Variants in TRIM2 observed in about 807,000 individuals in gnomAD.
The protein encoded by TRIM2 is tripartite motif containing 2, also known as tripartite motif-containing protein 2.
A neutral mutation model predicts 75.2 loss-of-function variants in TRIM2; 20 were observed. That is an observed-to-expected ratio of 0.27 (90% CI 0.19 to 0.39). The LOEUF (loss-of-function observed/expected upper bound fraction) is 0.39, where lower values mean the gene tolerates loss of function less well. TRIM2 is among the 10% of genes least tolerant of loss of function. TRIM2 has a pLI of 1.00. For missense variants in TRIM2, 660 were observed against 990.8 expected (o/e 0.67, Z 4.48); for synonymous variants, 373 against 388.3 (o/e 0.96, Z 0.46).
chr4:153,223,353 A>T (rs1741224824), intron 1 of TRIM2, among the ~76,000 whole-genome samples: 1 of 152,226 alleles, frequency 6.6e-6, no homozygotes, highest in Non-Finnish European at 1.5e-5. Context: ...AGAGAAAAAA[A>T]GATACTGAGC....
intron 1 of TRIM2, among the ~76,000 whole-genome samples, chr4:153,243,806 C>T (rs1486971260): frequency 1.7e-5 from 2 of 120,684 alleles, no homozygotes; most frequent in African/African-American, 7.2e-5. Flanking sequence ...TCCTCCCCCT[C>T]CTTTTTTTTT....
intron 10 of TRIM2, among the ~76,000 whole-genome samples, chr4:153,328,085 C>G (rs188925236): frequency 3.3e-5 from 5 of 152,286 alleles, no homozygotes; most frequent in African/African-American, 1.2e-4. Context: ...TTCTGAGCAT[C>G]TGGCATAACA....
At chr4:153,183,778 C>T (rs1309658645) in intron 1 of TRIM2, among the ~76,000 whole-genome samples, 1 of 152,078 alleles carries the variant, frequency 6.6e-6, no homozygotes, top group African/African-American at 2.4e-5. Flanking sequence ...GCCCAGGGGA[C>T]CCACTGAAGG....
At chr4:153,315,748 A>G (rs1001494440) in intron 7 of TRIM2, 84 bp from the exon 8 acceptor site, 1 of 1,534,116 alleles carries the variant, frequency 6.5e-7, no homozygotes, top group Non-Finnish European at 9.0e-7. Flanking sequence ...TGATCTCTGT[A>G]TGTATGGCAG....
At chr4:153,225,560 A>G (rs1741885247) in intron 1 of TRIM2, among the ~76,000 whole-genome samples, 1 of 152,182 alleles carries the variant, frequency 6.6e-6, no homozygotes, top group Non-Finnish European at 1.5e-5. Flanking sequence ...AAGTCCACCT[A>G]TGAGTTTAAT....
chr4:153,178,939 A>G (rs1289624513), intron 1 of TRIM2, among the ~76,000 whole-genome samples: 1 of 152,172 alleles, frequency 6.6e-6, no homozygotes, highest in Non-Finnish European at 1.5e-5. Flanking sequence ...AAGCTCCAAC[A>G]CTTTGGGAGG....
At chr4:153,165,148 G>A (rs545912167) in intron 1 of TRIM2, among the ~76,000 whole-genome samples, 153 of 152,018 alleles carry the variant, frequency 1.0e-3, no homozygotes, top group African/African-American at 3.3e-3. Flanking sequence ...TTTTATTTCC[G>A]CCCCAAGATG....
At chr4:153,199,558 A>T (rs1352101149), upstream of TRIM2, among the ~76,000 whole-genome samples, 1 of 151,948 alleles carries the variant, frequency 6.6e-6, no homozygotes, top group Admixed American at 6.6e-5. Context: ...GACATTTAAA[A>T]TGCTTCTTAA....
At chr4:153,180,788 AT>A (rs1322546311) in intron 1 of TRIM2, among the ~76,000 whole-genome samples, 1 of 152,172 alleles carries the variant, frequency 6.6e-6, no homozygotes, top group African/African-American at 2.4e-5. Flanking sequence ...ACCTAGAAAT[AT>A]TTTTAAGAGT....
intron 1 of TRIM2, among the ~76,000 whole-genome samples, chr4:153,259,513 T>A (rs1043016096): frequency 6.6e-6 from 1 of 152,240 alleles, no homozygotes; most frequent in Non-Finnish European, 1.5e-5. Context: ...ATTATTGAAA[T>A]GTGTAGAAGA....
At chr4:153,231,304 T>C (rs554584085) in intron 1 of TRIM2, among the ~76,000 whole-genome samples, 1 of 152,268 alleles carries the variant, frequency 6.6e-6, no homozygotes, top group East Asian at 1.9e-4. Context: ...TGTCAACTCA[T>C]ATGATACAGA....
intron 1 of TRIM2, among the ~76,000 whole-genome samples, chr4:153,244,372 C>G (rs1396786536): frequency 1.8e-5 from 1 of 54,104 alleles, no homozygotes; most frequent in South Asian, 6.3e-4. Flanking sequence ...TCTTCTTCTT[C>G]TTCTTCTTCT....
At chr4:153,223,481 T>C (rs9998673) in intron 1 of TRIM2, among the ~76,000 whole-genome samples, 45,323 of 151,858 alleles carry the variant, frequency 0.3, 11,341 homozygotes, top group African/African-American at 0.69. Flanking sequence ...CTTTTATTCT[T>C]TGCCCCAGCT....
chr4:153,289,869 G>A (rs1761475897), intron 3 of TRIM2, among the ~76,000 whole-genome samples: 1 of 152,132 alleles, frequency 6.6e-6, no homozygotes, highest in South Asian at 2.1e-4. Context: ...TATTCCCTCA[G>A]TCCATACACT....
At chr4:153,226,742 A>G (rs894563208) in intron 1 of TRIM2, among the ~76,000 whole-genome samples, 1 of 152,216 alleles carries the variant, frequency 6.6e-6, no homozygotes, top group Non-Finnish European at 1.5e-5. Context: ...GAGGACCAGG[A>G]AGCAAACAAA....
chr4:153,276,481 G>A (rs1758053478), intron 3 of TRIM2, among the ~76,000 whole-genome samples: 1 of 152,190 alleles, frequency 6.6e-6, no homozygotes, highest in Non-Finnish European at 1.5e-5. Flanking sequence ...TTATTAAAAT[G>A]TTAATTAGAG....
chr4:153,230,165 A>G (rs1743237174), intron 1 of TRIM2, among the ~76,000 whole-genome samples: 1 of 151,388 alleles, frequency 6.6e-6, no homozygotes, highest in South Asian at 2.1e-4. Flanking sequence ...CAGCCTCAAT[A>G]CGTTTGCCAT....
chr4:153,210,527 G>A (rs1417694564), intron 1 of TRIM2, among the ~76,000 whole-genome samples: 3 of 152,172 alleles, frequency 2.0e-5, no homozygotes, highest in African/African-American at 7.2e-5. Flanking sequence ...ATGCCAAATG[G>A]AGCCAAATCC....
intron 10 of TRIM2, among the ~76,000 whole-genome samples, chr4:153,325,662 G>A (rs1369266236): frequency 6.6e-6 from 1 of 152,180 alleles, no homozygotes; most frequent in Non-Finnish European, 1.5e-5. Flanking sequence ...AGGGCATTCA[G>A]CAAGAAGGAA....
Sources: gnomAD v4.1 joint callset for allele counts (sites outside exome capture counted in the v4.1 genomes callset) on GRCh38, gnomAD v4.1.1 for gene constraint, MANE v1.5 for transcripts, NCBI Gene and HGNC (gene_info 2026-07-23, HGNC 2026-07-21) for gene names.